Variants in SLC26A7 observed in about 807,000 individuals in gnomAD.
SLC26A7 encodes anion exchange transporter.
Under a neutral mutation model 82.5 loss-of-function variants are expected in SLC26A7, and 59 were observed. The observed-to-expected ratio is 0.72, with a 90% CI of 0.58 to 0.89. SLC26A7 has a LOEUF of 0.89. Ranked by LOEUF, SLC26A7 falls within the 40% of genes least tolerant of loss-of-function variation. The pLI is 0.00. For synonymous variants in SLC26A7, 271 were observed against 274.3 expected (o/e 0.99, Z 0.12); for missense variants, 820 against 793.0 (o/e 1.03, Z -0.41).
At chr8:91,302,354 G>A (rs996193322) in intron 4 of SLC26A7, among the ~76,000 whole-genome samples, 1 of 151,992 alleles carries the variant, frequency 6.6e-6, no homozygotes, top group Admixed American at 6.6e-5. Context: ...TTTTAGGTAA[G>A]CTATATATGT....
chr8:91,233,557 A>G (rs1363244594), intron 2 of SLC26A7, among the ~76,000 whole-genome samples: 1 of 151,902 alleles, frequency 6.6e-6, no homozygotes, highest in South Asian at 2.1e-4. Context: ...ACAGAGCGGG[A>G]TTCTGTGTCA....
intron 15 of SLC26A7, among the ~76,000 whole-genome samples, chr8:91,372,535 G>A (rs1814393744): frequency 6.6e-6 from 1 of 151,764 alleles, no homozygotes; most frequent in South Asian, 2.1e-4. Context: ...AGGATCAATT[G>A]GTTATAGGTA....
chr8:91,231,422 C>T (rs1810308666), intron 2 of SLC26A7, among the ~76,000 whole-genome samples: 1 of 152,160 alleles, frequency 6.6e-6, no homozygotes, highest in African/African-American at 2.4e-5. Context: ...ACAGAAGGCT[C>T]TTGTAATGGC....
intron 2 of SLC26A7, among the ~76,000 whole-genome samples, chr8:91,224,735 G>A (rs1190790300): frequency 2.2e-5 from 1 of 44,538 alleles, no homozygotes; most frequent in Admixed American, 1.7e-4. Context: ...GTGTTGTGCT[G>A]GGGGGAAACC....
At chr8:91,353,790 A>G (rs985493097) in intron 11 of SLC26A7, among the ~76,000 whole-genome samples, 3 of 152,020 alleles carry the variant, frequency 2.0e-5, no homozygotes, top group Non-Finnish European at 2.9e-5. Context: ...CTGGGGCTCA[A>G]TATTACTGAG....
intron 2 of SLC26A7, among the ~76,000 whole-genome samples, chr8:91,273,358 T>C (rs1325016012): frequency 6.6e-6 from 1 of 152,108 alleles, no homozygotes; most frequent in Non-Finnish European, 1.5e-5. Flanking sequence ...AATTAATGGA[T>C]AGTTTGTAGA....
chr8:91,325,539 G>A (rs555439798), intron 5 of SLC26A7, among the ~76,000 whole-genome samples: 9 of 152,240 alleles, frequency 5.9e-5, no homozygotes, highest in South Asian at 4.2e-4. Context: ...GTTGAAAGGC[G>A]TATTGCTTCC....
At chr8:91,257,277 A>G (rs553619307) in intron 2 of SLC26A7, among the ~76,000 whole-genome samples, 1 of 152,256 alleles carries the variant, frequency 6.6e-6, no homozygotes, top group East Asian at 1.9e-4. Context: ...GAGGTGACAC[A>G]CAGATGAAAT....
chr8:91,260,563 A>G (rs1810935091), intron 2 of SLC26A7, among the ~76,000 whole-genome samples: 1 of 152,094 alleles, frequency 6.6e-6, no homozygotes, highest in Non-Finnish European at 1.5e-5. Context: ...TCCTATCCCC[A>G]GTATTTGGCA....
At chr8:91,274,083 C>A (rs1047242216) in intron 2 of SLC26A7, among the ~76,000 whole-genome samples, 5 of 151,940 alleles carry the variant, frequency 3.3e-5, no homozygotes, top group African/African-American at 1.2e-4. Context: ...AAAATAGGGA[C>A]AATAATACCT....
chr8:91,373,809 T>C (rs1330088127), intron 15 of SLC26A7, among the ~76,000 whole-genome samples: 1 of 152,004 alleles, frequency 6.6e-6, no homozygotes, highest in Non-Finnish European at 1.5e-5. Flanking sequence ...GCACTAGCTC[T>C]TCATTGTATG....
chr8:91,357,954 T>C (rs1813920297), intron 11 of SLC26A7, among the ~76,000 whole-genome samples: 1 of 152,202 alleles, frequency 6.6e-6, no homozygotes, highest in African/African-American at 2.4e-5. Flanking sequence ...GCAAAGGACA[T>C]GAATAGACAC....
chr8:91,298,535 C>A (rs747453189), intron 4 of SLC26A7, among the ~76,000 whole-genome samples: 1 of 152,068 alleles, frequency 6.6e-6, no homozygotes, highest in Non-Finnish European at 1.5e-5. Context: ...GATCTTCAAG[C>A]ATGTTAAAGT....
At chr8:91,384,634 A>G (rs1034909047) in intron 15 of SLC26A7, among the ~76,000 whole-genome samples, 1 of 152,092 alleles carries the variant, frequency 6.6e-6, no homozygotes, top group African/African-American at 2.4e-5. Flanking sequence ...TCAACTGACT[A>G]GTTTCCCTAC....
At chr8:91,236,706 T>C (rs1264773758) in intron 2 of SLC26A7, among the ~76,000 whole-genome samples, 6 of 152,188 alleles carry the variant, frequency 3.9e-5, no homozygotes, top group African/African-American at 7.2e-5. Flanking sequence ...GGAAGCACTA[T>C]TGTAATAAAC....
At chr8:91,385,354 T>G (rs1381895307) in intron 15 of SLC26A7, among the ~76,000 whole-genome samples, 1 of 152,216 alleles carries the variant, frequency 6.6e-6, no homozygotes, top group Non-Finnish European at 1.5e-5. Context: ...ATAAAATTAG[T>G]GCAATGGCAG....
intron 1 of SLC26A7, among the ~76,000 whole-genome samples, chr8:91,214,592 G>A (rs1461236409): frequency 2.0e-5 from 3 of 152,078 alleles, no homozygotes; most frequent in African/African-American, 7.2e-5. Context: ...CCTAAGGTAA[G>A]TCATCTACCT....
chr8:91,327,156 C>A (rs1001434472), intron 5 of SLC26A7, among the ~76,000 whole-genome samples: 1 of 152,094 alleles, frequency 6.6e-6, no homozygotes, highest in Non-Finnish European at 1.5e-5. Context: ...TCACTCACTG[C>A]AGTAACCCAA....
intron 5 of SLC26A7, among the ~76,000 whole-genome samples, chr8:91,322,158 C>T (rs1562633): frequency 0.18 from 26,903 of 151,986 alleles, 2,801 homozygotes; most frequent in African/African-American, 0.28. Flanking sequence ...ATTTTAATGA[C>T]TTTAGAATGG....
Sources: allele counts gnomAD v4.1 joint callset (sites outside exome capture counted in the v4.1 genomes callset), GRCh38; gene constraint gnomAD v4.1.1; transcripts MANE v1.5; gene names NCBI Gene and HGNC (gene_info 2026-07-23, HGNC 2026-07-21).